Variants in PRKG1 observed in about 807,000 individuals in gnomAD.
The protein encoded by PRKG1 is protein kinase cGMP-dependent 1, also known as cGMP-dependent protein kinase 1.
In PRKG1, 35 loss-of-function variants were observed where a neutral mutation model predicts 88.1. That is an observed-to-expected ratio of 0.40 (90% CI 0.30 to 0.53). The LOEUF is 0.53. Among genes scored for constraint, PRKG1 ranks in the 20% least tolerant of loss-of-function variants. PRKG1 has a pLI of 0.59. For synonymous variants in PRKG1, 303 were observed against 292.5 expected (o/e 1.04, Z -0.37); for missense variants, 540 against 839.8 (o/e 0.64, Z 4.41).
chr10:51,147,439 GAA>G (rs35644166), intron 1 of PRKG1, among the ~76,000 whole-genome samples: 66,776 of 150,222 alleles, frequency 0.44, 14,810 homozygotes, highest in African/African-American at 0.52. Flanking sequence ...AAAGTAAAAG[GAA>G]AAAAAAAACG....
intron 4 of PRKG1, among the ~76,000 whole-genome samples, chr10:51,870,340 T>C (rs1841124171): frequency 6.6e-6 from 1 of 152,090 alleles, no homozygotes; most frequent in African/African-American, 2.4e-5. Context: ...CCTCCAGTGT[T>C]GTCAGAGTTA....
chr10:51,420,862 G>A (rs532031813), intron 2 of PRKG1, among the ~76,000 whole-genome samples: 61 of 152,252 alleles, frequency 4.0e-4, no homozygotes, highest in African/African-American at 1.2e-3. Flanking sequence ...AAGCAGGAGC[G>A]GGCACTTCAC....
At chr10:51,186,005 A>G (rs549936246) in intron 2 of PRKG1, among the ~76,000 whole-genome samples, 6 of 152,060 alleles carry the variant, frequency 3.9e-5, no homozygotes, top group African/African-American at 1.2e-4. Context: ...ATAGAACATG[A>G]TCTAGTGTCA....
rs1471215128 is a variant in PRKG1, at chr10:51,462,673, G to A, written c.479-5050G>A. Among the ~76,000 whole-genome samples the A allele has an allele frequency of 3.9e-5, 6 of 152,114 alleles. No individual in the cohort carries two copies. The South Asian group carries it at 1.2e-3, about 31-fold the overall frequency. On this transcript the variant is annotated intron_variant, in intron 2 of 17. Coordinates refer to ENST00000373980, the MANE Select transcript of PRKG1 (RefSeq NM_006258.4). Reference sequence around the variant, plus strand: ...AAGTAAAATTTAAAAGTGCATTCAAGTTACCATGATACATCTTTCAATTAT... The same window carrying A: ...AAGTAAAATTTAAAAGTGCATTCAAATTACCATGATACATCTTTCAATTAT...
intron 3 of PRKG1, among the ~76,000 whole-genome samples, chr10:51,603,678 T>C (rs771854161): frequency 1.4e-4 from 22 of 152,292 alleles, no homozygotes; most frequent in Middle Eastern, 3.4e-3. Flanking sequence ...GGTACAACCA[T>C]GAACAAGTAG....
intron 2 of PRKG1, among the ~76,000 whole-genome samples, chr10:51,240,242 G>T (rs1839116542): frequency 6.6e-6 from 1 of 152,114 alleles, no homozygotes; most frequent in African/African-American, 2.4e-5. Flanking sequence ...AACATTCATT[G>T]TTTCTCAGTT....
chr10:52,161,854 A>G lies in PRKG1; in HGVS notation c.1002-35A>G, dbSNP rs746560191. The G allele has an allele frequency of 4.4e-6, 7 of 1,591,160 alleles. No individual in the cohort carries two copies. In the East Asian group the frequency reaches 1.1e-4, roughly 25 times the overall value. ...TAGGTTGCCATTGCTACTATTTTGT[A>G]GAAGATTAATCACTGTGCTTTTTTC... On this transcript the variant is annotated intron_variant, in intron 8 of 17. Coordinates refer to ENST00000373980, the MANE Select transcript of PRKG1 (RefSeq NM_006258.4).
chr10:51,576,782 C>CT (rs11394669), intron 3 of PRKG1, among the ~76,000 whole-genome samples: 32,002 of 151,454 alleles, frequency 0.21, 4,833 homozygotes, highest in African/African-American at 0.43. Context: ...GAATTATTTT[C>CT]TTTTTTTTAA....
At chr10:51,803,283 G>A (rs1354263579) in intron 3 of PRKG1, among the ~76,000 whole-genome samples, 2 of 152,132 alleles carry the variant, frequency 1.3e-5, no homozygotes, top group South Asian at 2.1e-4. Flanking sequence ...CACAAGTTCC[G>A]GCTGCTTTGT....
chr10:51,205,436 T>C (rs1334302547), intron 2 of PRKG1, among the ~76,000 whole-genome samples: 1 of 151,410 alleles, frequency 6.6e-6, no homozygotes, highest in African/African-American at 2.4e-5. Context: ...CGTGTCCACC[T>C]TGGGAATTTT....
chr10:51,607,903 A>G (rs1838808870), intron 3 of PRKG1, among the ~76,000 whole-genome samples: 1 of 152,182 alleles, frequency 6.6e-6, no homozygotes, highest in African/African-American at 2.4e-5. Context: ...GCTTCTTTGT[A>G]CTGAGGGTAT....
Position 51,464,067 on chromosome 10 carries a change from C to G in PRKG1, c.479-3656C>G, listed in dbSNP as rs191688783. On this transcript the variant is annotated intron_variant, in intron 2 of 17. Transcript: ENST00000373980. The stretch of plus-strand genomic sequence containing the variant: ...TGGGCGGATCACGAGATCAGGAGAT[C>G]GAGACCGTCTTGGCCAACATGGTGA... Among the ~76,000 whole-genome samples, 20 of 151,992 alleles carry G rather than the reference C, an allele frequency of 1.3e-4. No individual in the cohort carries two copies. The East Asian group carries it at 3.9e-3, about 29-fold the overall frequency.
chr10:51,810,741 T>C (rs2132622884), intron 4 of PRKG1, among the ~76,000 whole-genome samples: 1 of 152,340 alleles, frequency 6.6e-6, no homozygotes, highest in South Asian at 2.1e-4. Flanking sequence ...TGAAACTTTA[T>C]ACTTTCATTT....
chr10:51,214,366 A>G (rs996858074), intron 2 of PRKG1, among the ~76,000 whole-genome samples: 2 of 152,198 alleles, frequency 1.3e-5, no homozygotes, highest in African/African-American at 4.8e-5. Context: ...TGAAATATCT[A>G]TGTTAGGTTA....
chr10:51,024,573 A>G (rs561434880), intron 1 of PRKG1, among the ~76,000 whole-genome samples: 43 of 152,332 alleles, frequency 2.8e-4, no homozygotes, highest in African/African-American at 8.9e-4. Flanking sequence ...ACGTAACTGT[A>G]TTAGTTTGTT....
chr10:51,742,524 G>A (rs1461819012), intron 3 of PRKG1, among the ~76,000 whole-genome samples: 7 of 152,180 alleles, frequency 4.6e-5, no homozygotes, highest in Admixed American at 1.3e-4. Context: ...TTGGATGCAG[G>A]TGGTATGAAA....
chr10:51,412,124 A>T (rs927066385), intron 2 of PRKG1, among the ~76,000 whole-genome samples: 1 of 151,624 alleles, frequency 6.6e-6, no homozygotes, highest in African/African-American at 2.4e-5. Flanking sequence ...ACCAGGTTAA[A>T]CTTAACTATG....
chr10:52,195,893 T>G (rs1019184278), intron 9 of PRKG1, among the ~76,000 whole-genome samples: 15 of 152,198 alleles, frequency 9.9e-5, no homozygotes, highest in Non-Finnish European at 2.9e-5. Flanking sequence ...TTGGATATAG[T>G]CAGGAAAAAG....
intron 2 of PRKG1, among the ~76,000 whole-genome samples, chr10:51,170,413 C>T (rs9415759): frequency 0.067 from 9,878 of 148,406 alleles, 677 homozygotes; most frequent in African/African-American, 0.18. Context: ...TAGTTCACAA[C>T]TGATTTTTTC....
Sources: gnomAD v4.1 joint callset for allele counts (sites outside exome capture counted in the v4.1 genomes callset) on GRCh38, gnomAD v4.1.1 for gene constraint, MANE v1.5 for transcripts, NCBI Gene and HGNC (gene_info 2026-07-23, HGNC 2026-07-21) for gene names.